The following ESR1 variants were observed in gnomAD, a reference collection of about 807,000 sequenced individuals.
ESR1 encodes the protein estrogen receptor 1, also known as estrogen receptor.
Under a neutral mutation model 52.7 loss-of-function variants are expected in ESR1, and 12 were observed. The observed-to-expected ratio is 0.23, with a 90% CI of 0.15 to 0.37. ESR1 has a LOEUF of 0.37. ESR1 is among the 10% of genes least tolerant of loss of function. The pLI is 1.00. For missense variants in ESR1, 584 were observed against 779.7 expected, an observed-to-expected ratio of 0.75 and a Z score of 2.99; for synonymous variants, 305 against 316.8, an observed-to-expected ratio of 0.96 and a Z score of 0.39.
chr6:151,713,628 A>G (rs925575521), intron 2 of ESR1, among the ~76,000 whole-genome samples: 15 of 152,052 alleles, frequency 9.9e-5, no homozygotes, highest in Admixed American at 2.6e-4. Context: ...ATTTGCGCAG[A>G]GGTGTTTATA....
rs1034572653 is a variant in ESR1, at chr6:152,061,418, A to C, written c.1369+294A>C. Among the ~76,000 whole-genome samples the C allele has an allele frequency of 6.6e-6, 1 of 152,216 alleles. No individual in the cohort carries two copies. Among genetic ancestry groups the C allele is most frequent in the Admixed American group, 6.5e-5 (1 of 15,276 alleles). ...TTATTCAAATGGTACATGTATATAG[A>C]CATATGTTAGTTGATAGTTATATTA... On this transcript the variant is annotated intron_variant, in intron 6 of 7. Transcript: ENST00000206249. The surrounding 1 kb of genome is among the most constrained non-coding windows in gnomAD (Gnocchi z 4.3).
At chr6:151,680,844 G>A (rs1231099696) in intron 1 of ESR1, among the ~76,000 whole-genome samples, 1 of 152,090 alleles carries the variant, frequency 6.6e-6, no homozygotes, top group Non-Finnish European at 1.5e-5. Flanking sequence ...GATAATTATT[G>A]GATGAAAAAA....
chr6:151,709,941 T>G (rs1326859432), intron 2 of ESR1, among the ~76,000 whole-genome samples: 1 of 151,370 alleles, frequency 6.6e-6, no homozygotes, highest in South Asian at 2.1e-4. Context: ...TTCTAAAAAT[T>G]TCTATGTTTT....
At chr6:152,077,447 C>G (rs934764210) in intron 6 of ESR1, among the ~76,000 whole-genome samples, 1 of 152,156 alleles carries the variant, frequency 6.6e-6, no homozygotes, top group Non-Finnish European at 1.5e-5. Context: ...ACACAGAGTC[C>G]CCACTGGGGC....
At chr6:151,810,871 G>T (rs939005153) in intron 1 of ESR1, 13 of 152,134 alleles carry the variant, frequency 8.5e-5, no homozygotes, top group African/African-American at 2.4e-4. Flanking sequence ...AAAAATTCAG[G>T]CAAGTGGCTG....
intron 4 of ESR1, among the ~76,000 whole-genome samples, chr6:152,010,400 C>G (rs538949101): frequency 6.6e-6 from 1 of 151,930 alleles, no homozygotes; most frequent in Non-Finnish European, 1.5e-5. Flanking sequence ...GAAAAGAACA[C>G]GCACACACAT....
intron 4 of ESR1, among the ~76,000 whole-genome samples, chr6:151,959,119 C>G (rs541258514): frequency 2.0e-5 from 3 of 152,208 alleles, no homozygotes; most frequent in African/African-American, 7.2e-5. Flanking sequence ...CTCCAGAACT[C>G]TCCACCTAAG....
At chr6:151,672,977 C>T (rs894439102) in intron 1 of ESR1, among the ~76,000 whole-genome samples, 13 of 151,322 alleles carry the variant, frequency 8.6e-5, no homozygotes, top group Non-Finnish European at 1.3e-4. Flanking sequence ...TACAGGCCCC[C>T]GCCACCACGC....
intron 2 of ESR1, among the ~76,000 whole-genome samples, chr6:151,797,019 C>G (rs1777044021): frequency 1.3e-5 from 2 of 152,208 alleles, no homozygotes; most frequent in Admixed American, 6.5e-5. Flanking sequence ...TGAGTGAGAT[C>G]TGAAGGGAGC....
At chr6:152,051,582 C>G (rs1457636787) in intron 5 of ESR1, among the ~76,000 whole-genome samples, 1 of 151,956 alleles carries the variant, frequency 6.6e-6, no homozygotes, top group African/African-American at 2.4e-5. Flanking sequence ...AGGCTGTCTT[C>G]CCCCATCTCT....
chr6:152,093,163 G>A (rs1266025360), intron 6 of ESR1, among the ~76,000 whole-genome samples: 3 of 152,044 alleles, frequency 2.0e-5, no homozygotes, highest in Admixed American at 6.5e-5. Flanking sequence ...TGTATTCCCA[G>A]CTACTTGGGA....
chr6:151,721,965 A>G (rs1781491768), intron 2 of ESR1, among the ~76,000 whole-genome samples: 2 of 152,250 alleles, frequency 1.3e-5, no homozygotes, highest in Admixed American at 1.3e-4. Context: ...TAAACTAGTC[A>G]AGTGATACCA....
At chr6:151,700,081 A>C (rs1375659395) in intron 1 of ESR1, among the ~76,000 whole-genome samples, 1 of 152,050 alleles carries the variant, frequency 6.6e-6, no homozygotes, top group Non-Finnish European at 1.5e-5. Flanking sequence ...ACAAGTGAAA[A>C]AAAAAAAAAA....
In ESR1 at chr6:152,100,224, G is replaced by A; in HGVS notation, c.*1258G>A. ...GTGGCCCTGGTTGGAAGAAGCAGCT[G>A]TCACAGCTGCTGTAGACAGCTGTGT... On this transcript the variant is annotated 3_prime_UTR_variant, in exon 8 of 8. Transcript: ENST00000206249. The A allele has an allele frequency of 2.5e-6, 1 of 396,794 alleles. No individual in the cohort carries two copies. The highest frequency in any genetic ancestry group is 6.3e-4 in the Middle Eastern group (1 of 1,584). 24.6% of individuals were successfully genotyped at this position (396,794 alleles called of 1,614,324 possible). A position where few individuals can be genotyped will look rare whatever the true frequency, so the allele number is the denominator to read the frequency against.
At chr6:152,056,205 AT>A (rs2047087729) in intron 5 of ESR1, among the ~76,000 whole-genome samples, 1 of 152,206 alleles carries the variant, frequency 6.6e-6, no homozygotes, top group Admixed American at 6.5e-5. Context: ...TCATATAAAT[AT>A]TTATGGAGTC....
At chr6:151,883,105 G>C (rs1017805755) in intron 3 of ESR1, among the ~76,000 whole-genome samples, 1 of 151,580 alleles carries the variant, frequency 6.6e-6, no homozygotes, top group African/African-American at 2.4e-5. Flanking sequence ...GGAATATTTG[G>C]TTTCTAGTGA....
intron 4 of ESR1, among the ~76,000 whole-genome samples, chr6:151,994,302 A>G (rs1391697631): frequency 1.3e-5 from 2 of 152,196 alleles, no homozygotes; most frequent in African/African-American, 4.8e-5. Context: ...CCTGAAGATT[A>G]GAGTCTTTTA....
At chr6:151,757,452 T>C (rs1784375130) in intron 2 of ESR1, among the ~76,000 whole-genome samples, 1 of 152,182 alleles carries the variant, frequency 6.6e-6, no homozygotes, top group East Asian at 1.9e-4. Context: ...CATCTTCCTT[T>C]CTTGTACCCC....
At chr6:152,109,392 G>A (rs151297327) in intron 6 of ESR1, among the ~76,000 whole-genome samples, 31 of 152,130 alleles carry the variant, frequency 2.0e-4, no homozygotes, top group South Asian at 4.2e-4. Flanking sequence ...GGGGCTGGGC[G>A]CAGTGGCTTA....
Sources: allele counts gnomAD v4.1 joint callset (sites outside exome capture counted in the v4.1 genomes callset), GRCh38; gene constraint gnomAD v4.1.1; non-coding constraint Gnocchi (gnomAD v3.1); transcripts MANE v1.5; gene names NCBI Gene and HGNC (gene_info 2026-07-23, HGNC 2026-07-21).